The following RTN4RL1 variants were observed in gnomAD, a reference collection of about 807,000 sequenced individuals.
The protein encoded by RTN4RL1 is reticulon-4 receptor-like 1.
Under a neutral mutation model 25.6 loss-of-function variants are expected in RTN4RL1, and 7 were observed. That is an observed-to-expected ratio of 0.27 (90% confidence interval 0.16 to 0.51). The LOEUF is 0.51. Ranked by LOEUF, RTN4RL1 falls within the 20% of genes least tolerant of loss-of-function variation. The probability of loss-of-function intolerance (pLI) is 0.97; values close to 1 mark genes in which losing one functional copy is unlikely to be tolerated. For synonymous variants in RTN4RL1, 297 were observed against 288.2 expected (o/e 1.03, Z -0.31); for missense variants, 500 against 615.6 (o/e 0.81, Z 1.99).
At chr17:1,987,248 G>T (rs535603714) in intron 1 of RTN4RL1, among the ~76,000 whole-genome samples, 253 of 152,164 alleles carry the variant, frequency 1.7e-3, no homozygotes, top group African/African-American at 5.7e-3. Flanking sequence ...CCCACCTTCC[G>T]GAGTGGGCTC....
At position 1,937,242 on chromosome 17, in the gene RTN4RL1, G is replaced by A. The variant is rs745871325; in HGVS notation, c.580C>T (p.Arg194Trp). 12 of 1,612,136 alleles carry A rather than the reference G, an allele frequency of 7.4e-6. No individual in the cohort carries two copies. The highest frequency in any genetic ancestry group is 6.7e-5 in the East Asian group (3 of 44,886). ...AGACGGTCCAGGTTCACCAGGCCCC[G>A]GAAGGTGCCCGGGCCCAGACTCCAC... ...KLWSLGPGTF[R>W]GLVNLDRLLL... The change falls in exon 2 of 2, where the codon CGG (arginine) becomes TGG (tryptophan). Residue 194 changes from arginine (R) to tryptophan (W), a missense_variant. Coordinates refer to ENST00000331238, the MANE Select transcript of RTN4RL1 (RefSeq NM_178568.4).
intron 1 of RTN4RL1, among the ~76,000 whole-genome samples, chr17:1,965,254 C>T (rs577114040): frequency 2.0e-5 from 3 of 151,754 alleles, no homozygotes; most frequent in Admixed American, 6.6e-5. Flanking sequence ...GGATTACAGG[C>T]GCGCGCCCCC....
At chr17:1,962,789 G>A (rs763424341) in intron 1 of RTN4RL1, among the ~76,000 whole-genome samples, 12 of 150,778 alleles carry the variant, frequency 8.0e-5, no homozygotes, top group Non-Finnish European at 1.3e-4. Context: ...CTTGAACCAG[G>A]AGGCAGAGGT....
At chr17:1,946,042 A>G (rs924696200) in intron 1 of RTN4RL1, among the ~76,000 whole-genome samples, 2 of 152,172 alleles carry the variant, frequency 1.3e-5, no homozygotes, top group Non-Finnish European at 2.9e-5. Context: ...TTCCTGGTCA[A>G]TCACGGGGTG....
intron 1 of RTN4RL1, among the ~76,000 whole-genome samples, chr17:1,981,125 G>A (rs2066865573): frequency 1.4e-5 from 2 of 143,444 alleles, no homozygotes; most frequent in South Asian, 4.4e-4. Context: ...TCGTGCCTAG[G>A]ACATTGGCAG....
chr17:1,951,762 A>G (rs1915686100), intron 1 of RTN4RL1, among the ~76,000 whole-genome samples: 1 of 152,146 alleles, frequency 6.6e-6, no homozygotes, highest in African/African-American at 2.4e-5. Flanking sequence ...CCGAAGCCAC[A>G]AAGTTTTTCA....
chr17:1,955,785 T>C (rs1277682347), intron 1 of RTN4RL1, among the ~76,000 whole-genome samples: 1 of 151,698 alleles, frequency 6.6e-6, no homozygotes, highest in Non-Finnish European at 1.5e-5. Context: ...GGTTTCGCCA[T>C]GTAGGCCAGG....
intron 1 of RTN4RL1, among the ~76,000 whole-genome samples, chr17:2,007,023 C>T (rs1005254494): frequency 5.3e-5 from 8 of 152,076 alleles, no homozygotes; most frequent in East Asian, 1.9e-4. Context: ...CCGTGCTCTA[C>T]GGAACACATT....
chr17:1,996,614 T>C (rs1050807230), intron 1 of RTN4RL1, among the ~76,000 whole-genome samples: 3 of 152,182 alleles, frequency 2.0e-5, no homozygotes, highest in Non-Finnish European at 4.4e-5. Flanking sequence ...CAGATAGAAA[T>C]GCAGGTCTGT....
intron 1 of RTN4RL1, among the ~76,000 whole-genome samples, chr17:1,964,109 C>T (rs538635256): frequency 1.3e-5 from 2 of 152,128 alleles, no homozygotes; most frequent in Non-Finnish European, 2.9e-5. Flanking sequence ...CTCAAGCCTC[C>T]GGAACAGTCT....
chr17:2,010,556 T>C (rs372902077), intron 1 of RTN4RL1, among the ~76,000 whole-genome samples: 2 of 152,054 alleles, frequency 1.3e-5, no homozygotes, highest in South Asian at 4.1e-4. Context: ...AAACTTGGAA[T>C]TTATTTATTT....
rs538071066 is a variant in RTN4RL1 at position 1,939,129 on chromosome 17, G to C, written c.14-1321C>G. On this transcript the variant is annotated intron_variant, in intron 1 of 1. Coordinates refer to ENST00000331238, the MANE Select transcript of RTN4RL1 (RefSeq NM_178568.4). ...GCACTTTGGGAGGCCGAGGCGGGCG[G>C]ATCACGAGGTCAGGAGATCGAGACC... Among the ~76,000 whole-genome samples the C allele has an allele frequency of 8.6e-5, 13 of 151,998 alleles. No individual in the cohort carries two copies. In the East Asian group the frequency reaches 1.7e-3, roughly 20 times the overall value.
rs549897367 is a variant in RTN4RL1 at position 1,937,033 on chromosome 17, C to G, written c.789G>C (p.Ala263=). 19 of 1,603,914 alleles carry G rather than the reference C, an allele frequency of 1.2e-5. No homozygotes were observed. Among genetic ancestry groups the G allele is most frequent in the Non-Finnish European group, 1.5e-5 (18 of 1,177,838 alleles). The change falls in exon 2 of 2, where the codon GCG becomes GCC. Residue 263 remains alanine, a synonymous_variant. Transcript: ENST00000331238. ...NGNPWDCGCR[A]RSLWEWLQRF... is the part of the protein sequence containing the mutation. ...TCTGCAGCCATTCCCACAGGGAGCG[C>G]GCGCGACAACCACAGTCCCAGGGGT...
At chr17:1,959,476 C>T (rs1326519802) in intron 1 of RTN4RL1, among the ~76,000 whole-genome samples, 1 of 152,128 alleles carries the variant, frequency 6.6e-6, no homozygotes, top group Non-Finnish European at 1.5e-5. Context: ...ACCACATACA[C>T]CTAAATCCCC....
At chr17:1,939,545 C>A (rs1478331970) in intron 1 of RTN4RL1, among the ~76,000 whole-genome samples, 1 of 152,178 alleles carries the variant, frequency 6.6e-6, no homozygotes, top group Non-Finnish European at 1.5e-5. Context: ...CACCTCACTC[C>A]AGCCTCCAGG....
At chr17:1,975,951 G>A (rs965594058) in intron 1 of RTN4RL1, among the ~76,000 whole-genome samples, 2 of 152,190 alleles carry the variant, frequency 1.3e-5, no homozygotes, top group Admixed American at 1.3e-4. Flanking sequence ...AAATACTTGG[G>A]AGCCGTGAGA....
chr17:1,963,852 C>G (rs908738133), intron 1 of RTN4RL1, among the ~76,000 whole-genome samples: 1 of 152,204 alleles, frequency 6.6e-6, no homozygotes, highest in African/African-American at 2.4e-5. Context: ...CTGCCTCAGG[C>G]TCCCGAGTAG....
intron 1 of RTN4RL1, among the ~76,000 whole-genome samples, chr17:1,975,055 C>A (rs1044933084): frequency 6.6e-6 from 1 of 152,196 alleles, no homozygotes; most frequent in Non-Finnish European, 1.5e-5. Context: ...AGTGTTGGCA[C>A]CTGCGGCACC....
chr17:1,947,673 T>C (rs1038507992), intron 1 of RTN4RL1, among the ~76,000 whole-genome samples: 1 of 152,196 alleles, frequency 6.6e-6, no homozygotes, highest in African/African-American at 2.4e-5. Context: ...GCCGCCACAT[T>C]CTCAGGGGGC....
Sources: gnomAD v4.1 joint callset for allele counts (sites outside exome capture counted in the v4.1 genomes callset) on GRCh38, gnomAD v4.1.1 for gene constraint, MANE v1.5 for transcripts, NCBI Gene and HGNC (gene_info 2026-07-23, HGNC 2026-07-21) for gene names.